The following SON variants were observed in gnomAD, a reference collection of about 807,000 sequenced individuals.
The protein encoded by SON is SON DNA and RNA binding protein, also known as protein SON.
In SON, 4 loss-of-function variants were observed where a neutral mutation model predicts 173.3. That is an observed-to-expected ratio of 0.02 (90% CI 0.01 to 0.05). The LOEUF is 0.05. SON is among the 10% of genes least tolerant of loss of function. The pLI is 1.00. For synonymous variants in SON, 1,190 were observed against 1,105.9 expected, an observed-to-expected ratio of 1.08 and a Z score of -1.51; for missense variants, 2,626 against 3,055.3, an observed-to-expected ratio of 0.86 and a Z score of 3.31.
At chr21:33,574,230 A>C (rs2086349781) in intron 9 of SON, among the ~76,000 whole-genome samples, 1 of 152,216 alleles carries the variant, frequency 6.6e-6, no homozygotes, top group African/African-American at 2.4e-5. Context: ...TTTAAACCTC[A>C]TTTATAAAAG....
In SON at chr21:33,551,583, G is replaced by A. The variant is rs139829765; in HGVS notation, c.2352G>A (p.Gln784=). Residue 784 remains glutamine, a synonymous_variant, in exon 3 of 12, where the codon CAG becomes CAA. Transcript: ENST00000356577. ...TAGCAACTAGCTCCATGGACTCCCA[G>A]ATGTTAGCAACTAGCACTATGGACT... The part of the protein sequence containing the change: ...QMLATSSMDS[Q]MLATSTMDSQ... The A allele has an allele frequency of 1.1e-5, 18 of 1,613,342 alleles. No individual in the cohort carries two copies. The highest frequency in any genetic ancestry group is 1.5e-5 in the Non-Finnish European group (18 of 1,179,966).
chr21:33,544,389 A>G (rs554644222), intron 1 of SON, among the ~76,000 whole-genome samples: 53 of 152,338 alleles, frequency 3.5e-4, no homozygotes, highest in Non-Finnish European at 6.6e-4. Flanking sequence ...TCTGGCTGCA[A>G]TAAGTAGTTG....
At chr21:33,562,869 A>T (rs1327531838) in intron 6 of SON, among the ~76,000 whole-genome samples, 2 of 152,204 alleles carry the variant, frequency 1.3e-5, no homozygotes, top group Non-Finnish European at 2.9e-5. Context: ...AGTAGTAACT[A>T]CTCAACTATT....
intron 7 of SON, 122 bp downstream of exon 7, chr21:33,567,389 C>G (rs768730346): frequency 2.7e-5 from 17 of 639,414 alleles, no homozygotes; most frequent in Non-Finnish European, 4.9e-5. Context: ...ACATCCTTTA[C>G]CTTATTTTCA....
At chr21:33,547,753 C>T (rs1414045433) in intron 2 of SON, among the ~76,000 whole-genome samples, 19 of 117,400 alleles carry the variant, frequency 1.6e-4, no homozygotes, top group African/African-American at 5.8e-4. Flanking sequence ...CTCGCTCTGA[C>T]GCCCAGGCTG....
rs763843527 is a variant in SON at position 33,552,533 on chromosome 21, G to A, written c.3302G>A (p.Arg1101Gln). ...ATGTCGTCATACTCTGCTGCTGACC[G>A]GTCTATGATGTCATCGTACTCTGCA... ...SMMSSYSAAD[R>Q]SMMSSYSAAD... Residue 1101 changes from arginine (R) to glutamine (Q), a missense_variant, in exon 3 of 12, where the codon CGG (arginine) becomes CAG (glutamine). Physicochemically the swap from Arg to Gln is conservative, Grantham distance 43 (BLOSUM62 1). Coordinates refer to ENST00000356577, the MANE Select transcript of SON (RefSeq NM_138927.4). The surrounding 1 kb of genome is among the most constrained non-coding windows in gnomAD (Gnocchi z 5.6). 14 of 1,613,814 alleles carry A rather than the reference G, an allele frequency of 8.7e-6. No individual in the cohort carries two copies. The highest frequency in any genetic ancestry group is 6.7e-5 in the African/African-American group (5 of 74,834).
chr21:33,546,473 G>A, intron 2 of SON, 94 bp downstream of exon 2: 2 of 1,015,694 alleles, frequency 2.0e-6, no homozygotes, highest in Admixed American at 5.1e-5. Flanking sequence ...CAGTATTTAA[G>A]ATATTTATTA....
chr21:33,551,267 C>T lies in SON; in HGVS notation c.2036C>T (p.Thr679Ile). ...CAGTCCCTGGAGGTGCCCTCGACGA[C>T]AGCGCTGGAATCCTATAATACGGTA... ...VSQSLEVPSTTALESYNTVAQ... is the reference protein window; with the variant it reads ...VSQSLEVPSTIALESYNTVAQ... Residue 679 changes from threonine to isoleucine, a missense_variant, in exon 3 of 12, where the codon ACA (threonine) becomes ATA (isoleucine). Transcript: ENST00000356577. 1 of 1,614,154 alleles carries T rather than the reference C, an allele frequency of 6.2e-7. No homozygotes were observed.
rs763756683 is a variant in SON at position 33,552,053 on chromosome 21, C to T, written c.2822C>T (p.Ala941Val). The change falls in exon 3 of 12, where the codon GCT becomes GTT. Residue 941 changes from alanine (A) to valine (V), a missense_variant. Transcript: ENST00000356577. This position sits in a 1 kb window ranked among gnomAD's most constrained non-coding sequence, Gnocchi z 5.6. ...GACCCCTATAGATTAGGTCATGATG[C>T]TTACAGGTTAGGACAAGACCCTTAT... Reference protein sequence around the residue: ...GHDPYRLGHDAYRLGQDPYRL... With the variant: ...GHDPYRLGHDVYRLGQDPYRL... 5.0e-6 allele frequency: 8 copies of T among 1,614,078 alleles called. No homozygotes were observed. The highest frequency in any genetic ancestry group is 3.3e-4 in the Middle Eastern group (2 of 6,062).
chr21:33,568,903 A>C (rs1167429937), intron 7 of SON, 68 bp from the exon 8 acceptor site: 1 of 851,606 alleles, frequency 1.2e-6, no homozygotes, highest in Non-Finnish European at 1.9e-6. Context: ...ATTTTTAGTG[A>C]ATTATTACCA....
chr21:33,566,308 A>G (rs1446209661), intron 6 of SON, among the ~76,000 whole-genome samples: 1 of 152,146 alleles, frequency 6.6e-6, no homozygotes, highest in Admixed American at 6.5e-5. Context: ...TTAATTTTAG[A>G]ACAAAAAAAA....
Position 33,551,029 on chromosome 21 carries a change from C to T in SON, c.1798C>T (p.Leu600Phe), listed in dbSNP as rs1011359897. Reference sequence around the variant, plus strand: ...TGGGGCACTAGAGTTGCCTGGGCCGCTCATGGCAGCTGGGGCACTGGAGTT... The same window carrying T: ...TGGGGCACTAGAGTTGCCTGGGCCGTTCATGGCAGCTGGGGCACTGGAGTT... The part of the protein sequence containing the change: ...ATGALELPGP[L>F]MAAGALEFSG... Residue 600 changes from leucine (L) to phenylalanine (F), a missense_variant, in exon 3 of 12, where the codon CTC becomes TTC. Leu to Phe is a conservative substitution (Grantham distance 22, BLOSUM62 0). This residue lies in a region of SON where 757 missense variants were observed against 730.1 expected (regional missense o/e 1.04). Coordinates refer to ENST00000356577, the MANE Select transcript of SON (RefSeq NM_138927.4). 1.2e-6 allele frequency: 2 copies of T among 1,610,994 alleles called. No individual in the cohort carries two copies. The highest frequency in any genetic ancestry group is 1.3e-5 in the African/African-American group (1 of 74,828).
Position 33,554,016 on chromosome 21 carries a change from T to C in SON, c.4785T>C (p.Ser1595=). ...SEADAGETLS[S]TGPFALEPDA... ...CTGATGCAGGAGAAACTCTATCTTC[T>C]ACTGGTCCTTTTGCTCTGGAACCTG... Residue 1595 remains serine (S), a synonymous_variant, in exon 3 of 12, where the codon TCT becomes TCC. Transcript: ENST00000356577. The C allele has an allele frequency of 6.8e-6, 11 of 1,614,156 alleles. No homozygotes were observed. The highest frequency in any genetic ancestry group is 9.3e-6 in the Non-Finnish European group (11 of 1,179,998).
Position 33,550,655 on chromosome 21 carries a change from T to C in SON, c.1424T>C (p.Met475Thr). ...PPQEVPEPPVMAQELPGLPLV... is the reference protein window; with the variant it reads ...PPQEVPEPPVTAQELPGLPLV... ...CAGGAGGTACCAGAGCCACCTGTGA[T>C]GGCACAGGAGTTGCCAGGGCTGCCT... The change falls in exon 3 of 12, where the codon ATG becomes ACG. Residue 475 changes from methionine (M) to threonine (T), a missense_variant. Physicochemically the swap from Met to Thr is moderately conservative, Grantham distance 81 (BLOSUM62 -1). This residue lies in a region of SON where 757 missense variants were observed against 730.1 expected (regional missense o/e 1.04). Transcript: ENST00000356577. 1.9e-6 allele frequency: 3 copies of C among 1,613,624 alleles called. No homozygotes were observed. Among genetic ancestry groups the C allele is most frequent in the Non-Finnish European group, 2.5e-6 (3 of 1,179,852 alleles).
Position 33,546,249 on chromosome 21 carries a change from T to C in SON, c.114T>C (p.Asn38=). ...RNEGQLNGET[N]TPIEGNQAGD... ...AAGGCCAGCTGAATGGTGAAACAAATACACCCATTGAAGGAAACCAGGCGG... is the reference window on the plus strand; with the variant it reads ...AAGGCCAGCTGAATGGTGAAACAAACACACCCATTGAAGGAAACCAGGCGG... Residue 38 remains asparagine, a synonymous_variant, in exon 2 of 12, where the codon AAT becomes AAC. Transcript: ENST00000356577. The C allele has an allele frequency of 6.2e-7, 1 of 1,613,462 alleles. No homozygotes were observed. The highest frequency in any genetic ancestry group is 8.5e-7 in the Non-Finnish European group (1 of 1,179,808).
intron 6 of SON, among the ~76,000 whole-genome samples, chr21:33,562,210 A>G (rs1462086296): frequency 6.6e-6 from 1 of 152,198 alleles, no homozygotes; most frequent in East Asian, 1.9e-4. Flanking sequence ...TGAATTTATT[A>G]TTTATACAAT....
intron 11 of SON, among the ~76,000 whole-genome samples, chr21:33,576,096 T>C (rs2086393718): frequency 6.6e-6 from 1 of 152,078 alleles, no homozygotes; most frequent in Admixed American, 6.6e-5. Context: ...TGGAAAAGGG[T>C]AAAATATAGT....
chr21:33,567,937 T>C (rs1288188287), intron 7 of SON, among the ~76,000 whole-genome samples: 2 of 152,026 alleles, frequency 1.3e-5, no homozygotes, highest in African/African-American at 4.8e-5. Context: ...GATTAAGTGA[T>C]ATCCATAGTC....
rs2085909832 is a variant in SON at position 33,554,473 on chromosome 21, C to T, written c.5242C>T (p.Leu1748Phe). 3 of 1,614,000 alleles carry T rather than the reference C, an allele frequency of 1.9e-6. No homozygotes were observed. Among genetic ancestry groups the T allele is most frequent in the African/African-American group, 2.7e-5 (2 of 74,912 alleles). ...TAAGGACATGGAACGTCTTACAAGC[C>T]TTAGAGCTGGCATTGAAGGACCTTT... ...LPKDMERLTS[L>F]RAGIEGPLLA... The change falls in exon 3 of 12, where the codon CTT becomes TTT. Residue 1748 changes from leucine (L) to phenylalanine (F), a missense_variant. Leu to Phe is a conservative substitution (Grantham distance 22). Transcript: ENST00000356577.
Sources: allele counts gnomAD v4.1 joint callset (sites outside exome capture counted in the v4.1 genomes callset), GRCh38; gene constraint gnomAD v4.1.1; regional missense constraint gnomAD v4.1.1; non-coding constraint Gnocchi (gnomAD v3.1); transcripts MANE v1.5; gene names NCBI Gene and HGNC (gene_info 2026-07-23, HGNC 2026-07-21).